Variants in HIVEP3 observed in about 807,000 individuals in gnomAD.
HIVEP3 encodes HIVEP zinc finger 3, also known as transcription factor HIVEP3.
In HIVEP3, 49 loss-of-function variants were observed where a neutral mutation model predicts 152.8. The observed-to-expected ratio is 0.32, with a 90% CI of 0.26 to 0.41. The LOEUF is 0.41. HIVEP3 is among the 10% of genes least tolerant of loss of function. The pLI is 1.00. For synonymous variants in HIVEP3, 1,269 were observed against 1,289.0 expected (o/e 0.98, Z 0.33); for missense variants, 2,790 against 3,103.3 (o/e 0.90, Z 2.40).
At chr1:41,595,392 T>C (rs1644649987) in intron 3 of HIVEP3, among the ~76,000 whole-genome samples, 1 of 152,196 alleles carries the variant, frequency 6.6e-6, no homozygotes, top group African/African-American at 2.4e-5. Flanking sequence ...CTTCCTGGCC[T>C]CCTCTCTCTC....
intron 2 of HIVEP3, among the ~76,000 whole-genome samples, chr1:41,645,860 T>A (rs1452473579): frequency 6.6e-6 from 1 of 152,218 alleles, no homozygotes; most frequent in African/African-American, 2.4e-5. Flanking sequence ...TGTGTGTCCC[T>A]GAGCAAGGCA....
In HIVEP3 at chr1:41,518,429, C is replaced by T. The variant is rs889560322; in HGVS notation, c.5443G>A (p.Val1815Met). ...AHSKKCQETG[V>M]LEELEAEEGT... ...TCTTCGGCTTCCAGCTCCTCCAGCA[C>T]CCCTGTCTCTTGGCACTTTTTGCTG... The change falls in exon 7 of 9, where the codon GTG (valine) becomes ATG (methionine). Residue 1815 changes from valine (V) to methionine (M), a missense_variant. Coordinates refer to ENST00000372583, the MANE Select transcript of HIVEP3 (RefSeq NM_024503.5). The T allele has an allele frequency of 6.2e-7, 1 of 1,614,170 alleles. No homozygotes were observed. Among genetic ancestry groups the T allele is most frequent in the East Asian group, 2.2e-5 (1 of 44,888 alleles).
intron 1 of HIVEP3, among the ~76,000 whole-genome samples, chr1:41,794,083 G>T (rs1380656372): frequency 6.6e-5 from 10 of 152,172 alleles, no homozygotes; most frequent in African/African-American, 2.4e-4. Context: ...TGCTAATAAA[G>T]ACATACCCGA....
chr1:41,698,661 C>T (rs1558189440), intron 2 of HIVEP3, among the ~76,000 whole-genome samples: 1 of 152,138 alleles, frequency 6.6e-6, no homozygotes. Flanking sequence ...TGGTGTTTCC[C>T]GTGCCATGCC....
intron 1 of HIVEP3, among the ~76,000 whole-genome samples, chr1:41,716,060 G>A (rs147515755): frequency 5.5e-4 from 84 of 152,356 alleles, no homozygotes; most frequent in African/African-American, 1.9e-3. Flanking sequence ...GGTGACAGAA[G>A]CACACTCCAT....
chr1:41,898,890 T>C (rs1297523406), intron 1 of HIVEP3, among the ~76,000 whole-genome samples: 3 of 152,254 alleles, frequency 2.0e-5, no homozygotes, highest in Admixed American at 1.3e-4. Flanking sequence ...GATCTATTCA[T>C]TCAGCAAGCA....
chr1:41,545,422 CA>C (rs1394635732), intron 5 of HIVEP3, among the ~76,000 whole-genome samples: 1 of 134,712 alleles, frequency 7.4e-6, no homozygotes, highest in Non-Finnish European at 1.6e-5. Context: ...ACCATCGCTA[CA>C]ATCACCACCA....
At chr1:41,585,764 G>A (rs959292906) in intron 3 of HIVEP3, among the ~76,000 whole-genome samples, 1 of 152,132 alleles carries the variant, frequency 6.6e-6, no homozygotes, top group Non-Finnish European at 1.5e-5. Context: ...AGCTGCAGTG[G>A]GCCCAATGAC....
intron 1 of HIVEP3, among the ~76,000 whole-genome samples, chr1:41,824,518 C>T (rs1255392282): frequency 6.6e-6 from 1 of 151,932 alleles, no homozygotes; most frequent in Non-Finnish European, 1.5e-5. Flanking sequence ...TTGTGACCCA[C>T]ACAACCTCGC....
At chr1:41,707,443 C>T (rs985144476) in intron 1 of HIVEP3, among the ~76,000 whole-genome samples, 1 of 152,222 alleles carries the variant, frequency 6.6e-6, no homozygotes, top group Admixed American at 6.5e-5. Context: ...TACCCTCTCT[C>T]GGATGGCAGT....
intron 5 of HIVEP3, among the ~76,000 whole-genome samples, chr1:41,559,555 A>T (rs1644024684): frequency 6.6e-6 from 1 of 152,216 alleles, no homozygotes; most frequent in Non-Finnish European, 1.5e-5. Context: ...CCGAAGGCAC[A>T]TTAGGTTTCC....
At chr1:41,895,887 T>A (rs562326333) in intron 1 of HIVEP3, among the ~76,000 whole-genome samples, 44 of 152,274 alleles carry the variant, frequency 2.9e-4, no homozygotes, top group African/African-American at 9.9e-4. Flanking sequence ...AGAGACTATG[T>A]TTGAGCAAAG....
At chr1:41,915,774 C>T (rs551342384) in intron 1 of HIVEP3, among the ~76,000 whole-genome samples, 1 of 152,330 alleles carries the variant, frequency 6.6e-6, no homozygotes, top group South Asian at 2.1e-4. Context: ...ATGATGGTTA[C>T]ACCTACTTTA....
intron 1 of HIVEP3, among the ~76,000 whole-genome samples, chr1:41,829,817 A>G (rs1220083681): frequency 6.6e-6 from 1 of 152,036 alleles, no homozygotes; most frequent in Non-Finnish European, 1.5e-5. Context: ...AAAAAGCTCA[A>G]GAATTCTTAA....
At chr1:41,961,810 T>C (rs1645171207) in intron 1 of HIVEP3, among the ~76,000 whole-genome samples, 2 of 152,262 alleles carry the variant, frequency 1.3e-5, no homozygotes, top group African/African-American at 2.4e-5. Context: ...TTATTATCAA[T>C]AACATTGTCC....
At chr1:41,742,709 G>C (rs1010278610) in intron 1 of HIVEP3, among the ~76,000 whole-genome samples, 7 of 152,162 alleles carry the variant, frequency 4.6e-5, no homozygotes, top group Non-Finnish European at 1.0e-4. Flanking sequence ...TGCCCACTGG[G>C]TCAGCATAAG....
intron 1 of HIVEP3, among the ~76,000 whole-genome samples, chr1:41,948,271 C>T (rs1190857907): frequency 6.6e-6 from 1 of 152,226 alleles, no homozygotes; most frequent in African/African-American, 2.4e-5. Flanking sequence ...ATAGCCCTCA[C>T]TCGGGCACTA....
intron 1 of HIVEP3, among the ~76,000 whole-genome samples, chr1:41,906,549 G>A (rs551300145): frequency 6.6e-6 from 1 of 152,260 alleles, no homozygotes; most frequent in African/African-American, 2.4e-5. Context: ...GACGAACTAA[G>A]TGTGACAGGC....
chr1:41,530,956 G>A (rs1210209056), intron 5 of HIVEP3, among the ~76,000 whole-genome samples: 1 of 152,232 alleles, frequency 6.6e-6, no homozygotes, highest in African/African-American at 2.4e-5. Flanking sequence ...ACATCAGGGA[G>A]GGAGTGTAGC....
Sources: gnomAD v4.1 joint callset for allele counts (sites outside exome capture counted in the v4.1 genomes callset) on GRCh38, gnomAD v4.1.1 for gene constraint, MANE v1.5 for transcripts, NCBI Gene and HGNC (gene_info 2026-07-23, HGNC 2026-07-21) for gene names.